COG1: variants seen among roughly 807,000 people sequenced by gnomAD.
COG1 encodes conserved oligomeric Golgi complex subunit 1.
In COG1, 61 loss-of-function variants were observed where a neutral mutation model predicts 102.2. The ratio of observed to expected loss-of-function variants is 0.60; its 90% CI spans 0.49 to 0.74. The LOEUF is 0.74. Ranked by LOEUF, COG1 falls within the 30% of genes least tolerant of loss-of-function variation. The probability of loss-of-function intolerance (pLI) is 0.00; values close to 1 mark genes in which losing one functional copy is unlikely to be tolerated. For synonymous variants in COG1, 454 were observed against 493.6 expected (o/e 0.92, Z 1.06); for missense variants, 1,164 against 1,232.1 (o/e 0.94, Z 0.83).
intron 13 of COG1, 21 bp downstream of exon 13, chr17:73,207,277 G>A (rs760975088): frequency 1.2e-6 from 2 of 1,612,780 alleles, no homozygotes; most frequent in Admixed American, 3.3e-5. Flanking sequence ...AGAGCAAGAG[G>A]CTCATCCGTG....
intron 1 of COG1, 97 bp downstream of exon 1, chr17:73,193,481 C>T: frequency 8.0e-7 from 1 of 1,252,626 alleles, no homozygotes; most frequent in Non-Finnish European, 1.0e-6. Context: ...TCCCAGACCC[C>T]GCGAGTCCTC....
intron 10 of COG1, 80 bp downstream of exon 10, chr17:73,205,760 T>C: frequency 6.4e-7 from 1 of 1,569,374 alleles, no homozygotes; most frequent in East Asian, 2.2e-5. Context: ...GCCACCAGAG[T>C]CAGCCTGTTA....
chr17:73,203,883 G>A (rs2061357418), intron 9 of COG1, 90 bp downstream of exon 9: 2 of 1,439,946 alleles, frequency 1.4e-6, no homozygotes, highest in East Asian at 4.6e-5. Flanking sequence ...TCACATCAAA[G>A]ACTCAAACTG....
Position 73,202,031 on chromosome 17 carries a change from C to G in COG1, c.2073+131C>G, listed in dbSNP as rs565753130. Reference sequence around the variant, plus strand: ...TTCATACGGTTAACTTTATCTCTGCCAGAAAGTTCAGTAAAAACTTTTTTG... The same window carrying G: ...TTCATACGGTTAACTTTATCTCTGCGAGAAAGTTCAGTAAAAACTTTTTTG... On this transcript the variant is annotated intron_variant, in intron 7 of 13. Transcript: ENST00000299886. The G allele has an allele frequency of 3.8e-4, 396 of 1,044,042 alleles. 4 individuals are homozygous for G. In the South Asian group the frequency reaches 4.2e-3, roughly 11 times the overall value. The allele number at this position is 1,044,042 out of a possible 1,614,324, so 64.7% of individuals were successfully genotyped here.
rs1478835422 is a variant in COG1, at chr17:73,207,713, C to CTGTT, written c.2805+458_2805+461dup. On this transcript the variant is annotated intron_variant, in intron 13 of 13. Coordinates refer to ENST00000299886, the MANE Select transcript of COG1 (RefSeq NM_018714.3). ...ACGTTTCATTTCAGTACGATGCCAA[C>CTGTT]TGTTAAGCCTGCAGGAATCCTCCTG... 7 of 1,291,966 alleles carry CTGTT rather than the reference C, an allele frequency of 5.4e-6. No individual in the cohort carries two copies. In the South Asian group the frequency reaches 8.6e-5, roughly 16 times the overall value. The allele number at this position is 1,291,966 out of a possible 1,614,324, so 80.0% of individuals were successfully genotyped here.
Position 73,201,758 on chromosome 17 carries a change from G to A in COG1, c.1931G>A (p.Arg644Lys), listed in dbSNP as rs764926355. 1.9e-6 allele frequency: 3 copies of A among 1,614,170 alleles called. No individual in the cohort carries two copies. Among genetic ancestry groups the A allele is most frequent in the Non-Finnish European group, 2.5e-6 (3 of 1,180,032 alleles). The change falls in exon 7 of 14, where the codon AGG becomes AAG. Residue 644 changes from arginine to lysine, a missense_variant. Physicochemically the swap from Arg to Lys is conservative, Grantham distance 26. Coordinates refer to ENST00000299886, the MANE Select transcript of COG1 (RefSeq NM_018714.3). ...TCAGAGAGCTCAGAGAAACCAGCAA[G>A]GGAGTTTAGGGCTCTGAGAAAACAG... ...GKSESSEKPA[R>K]EFRALRKQGK...
chr17:73,202,014 G>A, intron 7 of COG1, 114 bp downstream of exon 7: 1 of 1,121,658 alleles, frequency 8.9e-7, no homozygotes, highest in Non-Finnish European at 1.3e-6. Context: ...ATTTCATACG[G>A]TTAACTTTAT....
At position 73,201,050 on chromosome 17, in the gene COG1, T is replaced by C. The variant is rs1253650039; in HGVS notation, c.1282-59T>C. 3.4e-6 allele frequency: 5 copies of C among 1,485,302 alleles called. No individual in the cohort carries two copies. The South Asian group carries it at 4.5e-5, about 13-fold the overall frequency. The allele number at this position is 1,485,302 out of a possible 1,614,324, so 92.0% of individuals were successfully genotyped here. A position where few individuals can be genotyped will look rare whatever the true frequency, so the allele number is the denominator to read the frequency against. ...TAGGATAAATTACCATTTGGTACTT[T>C]TGTTTTGAAATGTCCTTAAAGGAAC... On this transcript the variant is annotated intron_variant, in intron 6 of 13. Coordinates refer to ENST00000299886, the MANE Select transcript of COG1 (RefSeq NM_018714.3).
Position 73,193,327 on chromosome 17 carries a change from C to T in COG1, c.258C>T (p.Tyr86=), listed in dbSNP as rs60688184. Residue 86 remains tyrosine, a synonymous_variant, in exon 1 of 14, where the codon TAC becomes TAT. Coordinates refer to ENST00000299886, the MANE Select transcript of COG1 (RefSeq NM_018714.3). ...LVDAVKATDQ[Y]CARLRQAGSA... ...ACGCCGTGAAGGCCACCGACCAGTA[C>T]TGCGCCCGCCTCCGCCAGGCCGGCT... The T allele has an allele frequency of 6.5e-5, 100 of 1,538,386 alleles. No homozygotes were observed. The highest frequency in any genetic ancestry group is 8.6e-5 in the Non-Finnish European group (98 of 1,144,970).
chr17:73,203,472 C>A, intron 8 of COG1, 160 bp from the exon 9 acceptor site: 1 of 884,074 alleles, frequency 1.1e-6, no homozygotes, highest in Non-Finnish European at 1.8e-6. Flanking sequence ...TGCACTTAAC[C>A]AGGGGCCTTG....
chr17:73,200,984 C>A, intron 6 of COG1, 125 bp from the exon 7 acceptor site: 1 of 995,372 alleles, frequency 1.0e-6, no homozygotes, highest in Non-Finnish European at 1.5e-6. Context: ...TCTCTGCCAA[C>A]ACCATGCCAT....
intron 6 of COG1, 84 bp downstream of exon 6, chr17:73,200,860 C>G: frequency 8.0e-7 from 1 of 1,248,710 alleles, no homozygotes; most frequent in Non-Finnish European, 1.2e-6. Flanking sequence ...TCTGTCGCTT[C>G]CCAAGTATAT....
In COG1 at chr17:73,206,282, T is replaced by C. The variant is rs2061371423; in HGVS notation, c.2619+20T>C. ...ACTTCTGTGAGTCAAATCAAAAACA[T>C]GCTTAGTGCGAACGAAGCGATACAG... is the stretch of plus-strand genomic sequence containing the variant. On this transcript the variant is annotated intron_variant, in intron 11 of 13. Coordinates refer to ENST00000299886, the MANE Select transcript of COG1 (RefSeq NM_018714.3). The C allele has an allele frequency of 6.3e-7, 1 of 1,587,228 alleles. No homozygotes were observed. Among genetic ancestry groups the C allele is most frequent in the African/African-American group, 1.3e-5 (1 of 74,444 alleles).
intron 1 of COG1, among the ~76,000 whole-genome samples, chr17:73,195,684 C>T (rs184056379): frequency 1.3e-5 from 2 of 151,178 alleles, no homozygotes; most frequent in African/African-American, 4.9e-5. Flanking sequence ...GAGGCTGAGG[C>T]GGTGGATCAC....
rs1421594686 is a variant in COG1 at position 73,206,045 on chromosome 17, A to G, written c.2511-109A>G. The G allele has an allele frequency of 2.8e-5, 26 of 921,064 alleles. No individual in the cohort carries two copies. The East Asian group carries it at 5.7e-4, about 20-fold the overall frequency. 57.1% of individuals were successfully genotyped at this position (921,064 alleles called of 1,614,324 possible). Reference sequence around the variant, plus strand: ...CAGTGACAAACGTACTAAGCCAGCAACTAAGTAGAATAAAACCCAACTCCA... The same window carrying G: ...CAGTGACAAACGTACTAAGCCAGCAGCTAAGTAGAATAAAACCCAACTCCA... On this transcript the variant is annotated intron_variant, in intron 10 of 13. Coordinates refer to ENST00000299886, the MANE Select transcript of COG1 (RefSeq NM_018714.3).
At position 73,203,784 on chromosome 17, in the gene COG1, A is replaced by G. The variant is rs758011742; in HGVS notation, c.2373A>G (p.Lys791=). 6.2e-7 allele frequency: 1 copy of G among 1,614,212 alleles called. No homozygotes were observed. The highest frequency in any genetic ancestry group is 8.5e-7 in the Non-Finnish European group (1 of 1,180,032). The change falls in exon 9 of 14, where the codon AAA becomes AAG. Residue 791 remains lysine (K), a synonymous_variant. Transcript: ENST00000299886. ...CCTATGAGAAACTCTCCGAAGAAAAACAGATTAAGGTAGGTGTCTGAATGT... is the reference window on the plus strand; with the variant it reads ...CCTATGAGAAACTCTCCGAAGAAAAGCAGATTAAGGTAGGTGTCTGAATGT... ...VAAYEKLSEE[K]QIKKEGAFPV...
chr17:73,193,407 TGCGACCCGCAG>T, intron 1 of COG1, 23 bp downstream of exon 1: 1 of 1,395,924 alleles, frequency 7.2e-7, no homozygotes, highest in South Asian at 1.6e-5. Context: ...GCCCCCACCC[TGCGACCCGCAG>T]GCGGGTCCCG....
chr17:73,205,292 C>G (rs944648818), intron 9 of COG1: 12 of 463,622 alleles, frequency 2.6e-5, no homozygotes, highest in Non-Finnish European at 4.7e-5. Context: ...GCCTTTTTTT[C>G]CCCTTTAGAA....
At chr17:73,196,781 T>A in intron 2 of COG1, 30 bp downstream of exon 2, 1 of 1,614,108 alleles carries the variant, frequency 6.2e-7, no homozygotes, top group Non-Finnish European at 8.5e-7. Context: ...AGAGCTGCTC[T>A]GGTGGTGGCC....
Sources: allele counts gnomAD v4.1 joint callset (sites outside exome capture counted in the v4.1 genomes callset), GRCh38; gene constraint gnomAD v4.1.1; transcripts MANE v1.5; gene names NCBI Gene and HGNC (gene_info 2026-07-23, HGNC 2026-07-21).